The following PRKD1 variants were observed in gnomAD, a reference collection of about 807,000 sequenced individuals.
PRKD1 encodes the protein serine/threonine-protein kinase D1.
In PRKD1, 63 loss-of-function variants were observed where a neutral mutation model predicts 95.9. The observed-to-expected ratio is 0.66, with a 90% CI of 0.54 to 0.81. The LOEUF (loss-of-function observed/expected upper bound fraction) is 0.81, where lower values mean the gene tolerates loss of function less well. PRKD1 is among the 30% of genes least tolerant of loss of function. The pLI is 0.00. For missense variants in PRKD1, 1,048 were observed against 1,165.3 expected (o/e 0.90, Z 1.47); for synonymous variants, 425 against 423.1 (o/e 1.00, Z -0.05).
chr14:29,886,731 C>T (rs527287552), intron 1 of PRKD1, among the ~76,000 whole-genome samples: 2 of 152,332 alleles, frequency 1.3e-5, no homozygotes, highest in Non-Finnish European at 2.9e-5. Flanking sequence ...ACCACACCCA[C>T]TATAAACATA....
chr14:29,673,301 T>C (rs1326854154), intron 2 of PRKD1, among the ~76,000 whole-genome samples: 2 of 152,208 alleles, frequency 1.3e-5, no homozygotes, highest in Admixed American at 6.5e-5. Flanking sequence ...TCTACCTCCA[T>C]ACTTAGTTGG....
chr14:29,676,308 C>T (rs963698436), intron 2 of PRKD1, among the ~76,000 whole-genome samples: 8 of 150,194 alleles, frequency 5.3e-5, no homozygotes, highest in African/African-American at 9.8e-5. Context: ...TTAGGGTAGA[C>T]GGTCAGCTAG....
intron 4 of PRKD1, among the ~76,000 whole-genome samples, chr14:29,646,896 A>G (rs1881162114): frequency 6.6e-6 from 1 of 152,292 alleles, no homozygotes; most frequent in African/African-American, 2.4e-5. Flanking sequence ...TCATATAGGA[A>G]CGCACATGTT....
chr14:29,577,143 C>T lies in PRKD1; in HGVS notation c.*95G>A. 2 of 1,295,746 alleles carry T rather than the reference C, an allele frequency of 1.5e-6. No individual in the cohort carries two copies. Among genetic ancestry groups the T allele is most frequent in the Admixed American group, 3.8e-5 (2 of 52,774 alleles). The allele number at this position is 1,295,746 out of a possible 1,614,324, so 80.3% of individuals were successfully genotyped here. A position where few individuals can be genotyped will look rare whatever the true frequency, so the allele number is the denominator to read the frequency against. On this transcript the variant is annotated 3_prime_UTR_variant, in exon 18 of 18. Coordinates refer to ENST00000331968, the MANE Select transcript of PRKD1 (RefSeq NM_002742.3). ...GTTTAACAGCTTTGTTCTCATCTGA[C>T]AGAAAATAATGGCAGTTCTGCAAGG...
intron 1 of PRKD1, among the ~76,000 whole-genome samples, chr14:29,759,621 AT>A (rs937742826): frequency 1.3e-5 from 2 of 152,210 alleles, no homozygotes; most frequent in Non-Finnish European, 2.9e-5. Context: ...TTTGAGTGTC[AT>A]TTGAGCACAA....
intron 2 of PRKD1, among the ~76,000 whole-genome samples, chr14:29,675,481 T>C (rs1327559399): frequency 6.6e-6 from 1 of 152,196 alleles, no homozygotes; most frequent in African/African-American, 2.4e-5. Context: ...TGTAACCTTT[T>C]GAGTCTAGCT....
chr14:29,888,163 G>C (rs1005305282), intron 1 of PRKD1, among the ~76,000 whole-genome samples: 2 of 152,004 alleles, frequency 1.3e-5, no homozygotes. Context: ...TAATTAGGCA[G>C]GCATGTTGGC....
intron 1 of PRKD1, among the ~76,000 whole-genome samples, chr14:29,906,988 C>G: frequency 6.6e-6 from 1 of 152,176 alleles, no homozygotes; most frequent in Non-Finnish European, 1.5e-5. Context: ...GTAAATTAGG[C>G]TGAGATTTGA....
At chr14:29,626,087 G>C (rs1879600875) in intron 12 of PRKD1, among the ~76,000 whole-genome samples, 1 of 152,064 alleles carries the variant, frequency 6.6e-6, no homozygotes, top group African/African-American at 2.4e-5. Context: ...ACACTGGAAA[G>C]TTAAATTTTG....
At chr14:29,861,149 T>A (rs543967496) in intron 1 of PRKD1, among the ~76,000 whole-genome samples, 6 of 152,226 alleles carry the variant, frequency 3.9e-5, no homozygotes, top group Non-Finnish European at 8.8e-5. Flanking sequence ...CAACAAACTA[T>A]GACTAGCACC....
intron 1 of PRKD1, among the ~76,000 whole-genome samples, chr14:29,828,504 G>T (rs1445325794): frequency 2.6e-5 from 4 of 151,926 alleles, no homozygotes; most frequent in African/African-American, 9.7e-5. Context: ...GACTTGGAGG[G>T]GACAAAACAT....
rs997228287 is a variant in PRKD1, at chr14:29,639,350, C to T, written c.697-446G>A. On this transcript the variant is annotated intron_variant, in intron 4 of 17. Coordinates refer to ENST00000331968, the MANE Select transcript of PRKD1 (RefSeq NM_002742.3). ...CTGTTTGCCCTACATGGTACTTCATCGAAAAAATGCTGTAATCCCAGCACT... is the reference window on the plus strand; with the variant it reads ...CTGTTTGCCCTACATGGTACTTCATTGAAAAAATGCTGTAATCCCAGCACT... Among the ~76,000 whole-genome samples, 8 of 151,832 alleles carry T rather than the reference C, an allele frequency of 5.3e-5. No homozygotes were observed. In the South Asian group the frequency reaches 8.3e-4, roughly 16 times the overall value.
intron 1 of PRKD1, among the ~76,000 whole-genome samples, chr14:29,796,386 C>A (rs951748097): frequency 1.3e-5 from 2 of 151,988 alleles, no homozygotes; most frequent in Non-Finnish European, 2.9e-5. Context: ...GTGGAAGATG[C>A]AAAACTTGTC....
At chr14:29,627,675 T>A (rs1594374731) in intron 11 of PRKD1, among the ~76,000 whole-genome samples, 1 of 134,502 alleles carries the variant, frequency 7.4e-6, no homozygotes, top group African/African-American at 2.8e-5. Flanking sequence ...GTTCTGCACA[T>A]GTACCCCAGA....
intron 1 of PRKD1, among the ~76,000 whole-genome samples, chr14:29,917,620 T>C (rs1310069823): frequency 6.6e-6 from 1 of 152,198 alleles, no homozygotes; most frequent in Non-Finnish European, 1.5e-5. Context: ...CTTTTTATTC[T>C]ATTGTTTACG....
chr14:29,796,253 T>C (rs190225994), intron 1 of PRKD1, among the ~76,000 whole-genome samples: 1 of 152,182 alleles, frequency 6.6e-6, no homozygotes, highest in Non-Finnish European at 1.5e-5. Context: ...AGTTTCTCTA[T>C]CTTATTTTGT....
At chr14:29,906,260 T>A (rs1894491833) in intron 1 of PRKD1, among the ~76,000 whole-genome samples, 1 of 152,182 alleles carries the variant, frequency 6.6e-6, no homozygotes, top group African/African-American at 2.4e-5. Flanking sequence ...AAATCTAGGC[T>A]GGGTGTAGTA....
Position 29,624,229 on chromosome 14 carries a change from C to T in PRKD1, c.1828G>A (p.Ala610Thr). 1 of 1,603,068 alleles carries T rather than the reference C, an allele frequency of 6.2e-7. No individual in the cohort carries two copies. The highest frequency in any genetic ancestry group is 1.1e-5 in the South Asian group (1 of 89,146). ...GKHRKTGRDV[A>T]IKIIDKLRFP... ...CGTAATTTGTCAATGATTTTAATAG[C>T]TACATCTCTTCCTGTTTTACGATGT... The change falls in exon 13 of 18, where the codon GCT (alanine) becomes ACT (threonine). Residue 610 changes from alanine to threonine, a missense_variant. Ala to Thr is a moderately conservative substitution (Grantham distance 58, BLOSUM62 0). Around this residue, in one of 3 missense-constraint regions of PRKD1, gnomAD observed 739 missense variants for 861.9 expected, o/e 0.86. Coordinates refer to ENST00000331968, the MANE Select transcript of PRKD1 (RefSeq NM_002742.3).
chr14:29,810,090 A>T (rs551928293), intron 1 of PRKD1, among the ~76,000 whole-genome samples: 3 of 152,322 alleles, frequency 2.0e-5, no homozygotes, highest in African/African-American at 7.2e-5. Context: ...CACACACTTA[A>T]GTTCGCTGTC....
Sources: gnomAD v4.1 joint callset for allele counts (sites outside exome capture counted in the v4.1 genomes callset) on GRCh38, gnomAD v4.1.1 for gene constraint, gnomAD v4.1.1 regional missense constraint, MANE v1.5 for transcripts, NCBI Gene and HGNC (gene_info 2026-07-23, HGNC 2026-07-21) for gene names.